Variants in SCAF1 observed in about 807,000 individuals in gnomAD.
SCAF1 encodes the protein SR-related CTD associated factor 1.
A neutral mutation model predicts 91.2 loss-of-function variants in SCAF1; 28 were observed. That is an observed-to-expected ratio of 0.31 (90% CI 0.23 to 0.42). SCAF1 has a LOEUF of 0.42. Ranked by LOEUF, SCAF1 falls within the 10% of genes least tolerant of loss-of-function variation. The probability of loss-of-function intolerance (pLI) is 1.00; values close to 1 mark genes in which losing one functional copy is unlikely to be tolerated. For synonymous variants in SCAF1, 1,036 were observed against 833.7 expected, an observed-to-expected ratio of 1.24 and a Z score of -4.18; for missense variants, 1,893 against 1,872.1, an observed-to-expected ratio of 1.01 and a Z score of -0.21.
At chr19:49,648,959 G>A in intron 6 of SCAF1, among the ~76,000 whole-genome samples, 1 of 139,088 alleles carries the variant, frequency 7.2e-6, no homozygotes. Context: ...AACAGAGTGA[G>A]ACTCCCTCTC....
Position 49,646,294 on chromosome 19 carries a change from C to T in SCAF1, c.261+92C>T, listed in dbSNP as rs1044238575. On this transcript the variant is annotated intron_variant, in intron 4 of 10. Coordinates refer to ENST00000360565, the MANE Select transcript of SCAF1 (RefSeq NM_021228.3). This position sits in a 1 kb window ranked among gnomAD's most constrained non-coding sequence, Gnocchi z 5.6. ...GTCTGGGGGAATGGGGTTTGGGGAC[C>T]TGGACTCCTGGCTCTGCGATGCTGA... 3.6e-6 allele frequency: 4 copies of T among 1,107,834 alleles called. No homozygotes were observed. Among genetic ancestry groups the T allele is most frequent in the Non-Finnish European group, 5.1e-6 (4 of 777,156 alleles). 68.6% of individuals were successfully genotyped at this position (1,107,834 alleles called of 1,614,324 possible).
At position 49,650,942 on chromosome 19, in the gene SCAF1, G is replaced by GCCCCCCC; in HGVS notation, c.557_558insCCCCCCC (p.Ala189ThrfsTer43). 6.3e-7 allele frequency: 1 copy of GCCCCCCC among 1,583,806 alleles called. No homozygotes were observed. Among genetic ancestry groups the GCCCCCCC allele is most frequent in the Non-Finnish European group, 8.6e-7 (1 of 1,161,400 alleles). ...CTTGGGCACGGGAGACGGGGGCCCT[G>GCCCCCCC]CCCCACCCCCTGCCCCCTCCTCTGC... On this transcript the variant is annotated frameshift_variant, in exon 7 of 11. Coordinates refer to ENST00000360565, the MANE Select transcript of SCAF1 (RefSeq NM_021228.3). LOFTEE classifies it high-confidence loss of function.
chr19:49,650,900 T>A lies in SCAF1; in HGVS notation c.511T>A (p.Cys171Ser), dbSNP rs770049391. Residue 171 changes from cysteine to serine, a missense_variant, in exon 7 of 11, where the codon TGT becomes AGT. By Grantham distance (112) the Cys-to-Ser change is moderately radical. Transcript: ENST00000360565. ...SPQSNSSRPT[C>S]ARHLTLGTGD... ...ACAGTCGAACTCCTCTAGGCCCACC[T>A]GTGCCCGTCACCTCACCTTGGGCAC... 4 of 1,610,786 alleles carry A rather than the reference T, an allele frequency of 2.5e-6. No individual in the cohort carries two copies. The highest frequency in any genetic ancestry group is 3.4e-6 in the Non-Finnish European group (4 of 1,178,622).
At position 49,651,935 on chromosome 19, in the gene SCAF1, C is replaced by T; in HGVS notation, c.1546C>T (p.Arg516Cys). ...APAAAAGPPTRKKSRRERKRS... is the reference protein window; with the variant it reads ...APAAAAGPPTCKKSRRERKRS... ...GGCCGCCGCTGCTGGTCCGCCCACG[C>T]GCAAGAAGTCCAGGCGGGAACGCAA... Residue 516 changes from arginine to cysteine, a missense_variant, in exon 7 of 11, where the codon CGC becomes TGC. Physicochemically the swap from Arg to Cys is radical, Grantham distance 180 (BLOSUM62 -3). Around this residue, in one of 5 missense-constraint regions of SCAF1, gnomAD observed 1,436 missense variants for 1,306.8 expected, o/e 1.10. Coordinates refer to ENST00000360565, the MANE Select transcript of SCAF1 (RefSeq NM_021228.3). 1.7e-6 allele frequency: 2 copies of T among 1,185,188 alleles called. No homozygotes were observed. The highest frequency in any genetic ancestry group is 1.1e-6 in the Non-Finnish European group (1 of 949,660). 73.4% of individuals were successfully genotyped at this position (1,185,188 alleles called of 1,614,324 possible).
At position 49,652,378 on chromosome 19, in the gene SCAF1, G is replaced by A. The variant is rs1460412998; in HGVS notation, c.1989G>A (p.Pro663=). The A allele has an allele frequency of 3.2e-6, 5 of 1,546,138 alleles. No individual in the cohort carries two copies. The highest frequency in any genetic ancestry group is 2.0e-5 in the Admixed American group (1 of 50,558). ...KRSGDGSEKA[P]APAPPPSGST... is the part of the protein sequence containing the mutation. ...CTGGGGATGGCAGCGAGAAGGCCCCGGCGCCCGCCCCGCCGCCCTCTGGCT... is the reference window on the plus strand; with the variant it reads ...CTGGGGATGGCAGCGAGAAGGCCCCAGCGCCCGCCCCGCCGCCCTCTGGCT... Residue 663 remains proline (P), a synonymous_variant, in exon 7 of 11, where the codon CCG becomes CCA. Coordinates refer to ENST00000360565, the MANE Select transcript of SCAF1 (RefSeq NM_021228.3).
At position 49,652,196 on chromosome 19, in the gene SCAF1, C is replaced by G. The variant is rs1005911582; in HGVS notation, c.1807C>G (p.Arg603Gly). 1.0e-4 allele frequency: 134 copies of G among 1,289,322 alleles called. No individual in the cohort carries two copies. Among genetic ancestry groups the G allele is most frequent in the Non-Finnish European group, 1.3e-4 (132 of 1,018,954 alleles). The allele number at this position is 1,289,322 out of a possible 1,614,324, so 79.9% of individuals were successfully genotyped here. A position where few individuals can be genotyped will look rare whatever the true frequency, so the allele number is the denominator to read the frequency against. ...RRGGSRRSRS[R>G]EKRRRRRRSA... is the part of the protein sequence containing the mutation. ...CGGGGGCAGCCGCAGGTCGCGGTCC[C>G]GGGAGAAGCGGCGACGGCGGCGGCG... The change falls in exon 7 of 11, where the codon CGG becomes GGG. Residue 603 changes from arginine to glycine, a missense_variant. Physicochemically the swap from Arg to Gly is moderately radical, Grantham distance 125. Transcript: ENST00000360565.
chr19:49,658,462 C>T lies in SCAF1; in HGVS notation c.*63C>T, dbSNP rs1288205020. 4 of 851,730 alleles carry T rather than the reference C, an allele frequency of 4.7e-6. No individual in the cohort carries two copies. Among genetic ancestry groups the T allele is most frequent in the Non-Finnish European group, 7.2e-6 (4 of 554,748 alleles). 52.8% of individuals were successfully genotyped at this position (851,730 alleles called of 1,614,324 possible). A position where few individuals can be genotyped will look rare whatever the true frequency, so the allele number is the denominator to read the frequency against. The stretch of plus-strand genomic sequence containing the variant: ...ACTCTGGACGTATTTATGGCTCCAC[C>T]TCCCCACCTCCCTCCCCCGTCAGTG... On this transcript the variant is annotated 3_prime_UTR_variant, in exon 11 of 11. Coordinates refer to ENST00000360565, the MANE Select transcript of SCAF1 (RefSeq NM_021228.3).
At position 49,650,076 on chromosome 19, in the gene SCAF1, G is replaced by C. The variant is rs145227483; in HGVS notation, c.479-792G>C. 6.6e-4 allele frequency among the ~76,000 whole-genome samples: 100 copies of C among 152,342 alleles called. No individual in the cohort carries two copies. The East Asian group carries it at 0.019, about 28-fold the overall frequency. On this transcript the variant is annotated intron_variant, in intron 6 of 10. Coordinates refer to ENST00000360565, the MANE Select transcript of SCAF1 (RefSeq NM_021228.3). ...CTTAGCACAGTGCAGCGGGCTCTTTGGGGGCGAATGAGGTGACATACGAAG... is the reference window on the plus strand; with the variant it reads ...CTTAGCACAGTGCAGCGGGCTCTTTCGGGGCGAATGAGGTGACATACGAAG...
intron 9 of SCAF1, among the ~76,000 whole-genome samples, chr19:49,655,978 G>A (rs2081136641): frequency 6.6e-6 from 1 of 152,218 alleles, no homozygotes. Context: ...GCCTAGATGT[G>A]TTTTCTTACA....
At position 49,654,816 on chromosome 19, in the gene SCAF1, G is replaced by A. The variant is rs745836881; in HGVS notation, c.3564G>A (p.Thr1188=). ...TPPTPTGLAA[T]SDKREGSSSS... is the part of the protein sequence containing the mutation. ...CCACCCCCACCGGGCTGGCTGCCAC[G>A]TCTGACAAGAGAGAGGGCAGCAGCA... Residue 1188 remains threonine, a synonymous_variant, in exon 9 of 11, where the codon ACG becomes ACA. Transcript: ENST00000360565. 1.1e-5 allele frequency: 17 copies of A among 1,612,346 alleles called. No homozygotes were observed. Among genetic ancestry groups the A allele is most frequent in the Middle Eastern group, 1.6e-4 (1 of 6,074 alleles).
At position 49,653,267 on chromosome 19, in the gene SCAF1, G is replaced by C. The variant is rs774535605; in HGVS notation, c.2878G>C (p.Glu960Gln). ...CCAGGCGGCAGGCACCAAGGGGGCG[G>C]AGGAGACTTCCTGGTCCGGGGAGGA... is the stretch of plus-strand genomic sequence containing the variant. ...CSQAAGTKGA[E>Q]ETSWSGEERA... Residue 960 changes from glutamate (E) to glutamine (Q), a missense_variant, in exon 7 of 11, where the codon GAG becomes CAG. Physicochemically the swap from Glu to Gln is conservative, Grantham distance 29. This residue lies in a region of SCAF1 where 1,436 missense variants were observed against 1,306.8 expected (regional missense o/e 1.10). Coordinates refer to ENST00000360565, the MANE Select transcript of SCAF1 (RefSeq NM_021228.3). The C allele has an allele frequency of 4.0e-6, 6 of 1,481,646 alleles. No homozygotes were observed. The highest frequency in any genetic ancestry group is 4.5e-6 in the Non-Finnish European group (5 of 1,114,524). The allele number at this position is 1,481,646 out of a possible 1,614,324, so 91.8% of individuals were successfully genotyped here.
chr19:49,646,304 G>C lies in SCAF1; in HGVS notation c.261+102G>C. 9.4e-7 allele frequency: 1 copy of C among 1,062,936 alleles called. No homozygotes were observed. The highest frequency in any genetic ancestry group is 1.4e-6 in the Non-Finnish European group (1 of 739,524). The allele number at this position is 1,062,936 out of a possible 1,614,324, so 65.8% of individuals were successfully genotyped here. A position where few individuals can be genotyped will look rare whatever the true frequency, so the allele number is the denominator to read the frequency against. ...ATGGGGTTTGGGGACCTGGACTCCTGGCTCTGCGATGCTGACCAGGGGCAA... is the reference window on the plus strand; with the variant it reads ...ATGGGGTTTGGGGACCTGGACTCCTCGCTCTGCGATGCTGACCAGGGGCAA... On this transcript the variant is annotated intron_variant, in intron 4 of 10. Coordinates refer to ENST00000360565, the MANE Select transcript of SCAF1 (RefSeq NM_021228.3). This position sits in a 1 kb window ranked among gnomAD's most constrained non-coding sequence, Gnocchi z 5.6.
At chr19:49,644,790 C>T (rs2081045042) in intron 1 of SCAF1, 4 of 387,778 alleles carry the variant, frequency 1.0e-5, no homozygotes, top group South Asian at 9.9e-5. Context: ...ATAAGAGGCA[C>T]CTGAGACCCA....
At position 49,652,104 on chromosome 19, in the gene SCAF1, G is replaced by GCTCCCGCTC. The variant is rs2081097748; in HGVS notation, c.1716_1717insTCCCGCTCC (p.Arg572_Arg573insSerArgSer). On this transcript the variant is annotated inframe_insertion, in exon 7 of 11. Transcript: ENST00000360565. ...TCCCACGCCTCGTCGTCCGCCCGCC[G>GCTCCCGCTC]CCGCTCCCGCTCCCGCTCCCGCTCC... 1.8e-6 allele frequency: 2 copies of GCTCCCGCTC among 1,130,532 alleles called. No homozygotes were observed. Among genetic ancestry groups the GCTCCCGCTC allele is most frequent in the Non-Finnish European group, 2.2e-6 (2 of 917,642 alleles). The allele number at this position is 1,130,532 out of a possible 1,614,324, so 70.0% of individuals were successfully genotyped here. A position where few individuals can be genotyped will look rare whatever the true frequency, so the allele number is the denominator to read the frequency against.
intron 7 of SCAF1, 138 bp from the exon 8 acceptor site, chr19:49,654,211 C>T: frequency 1.4e-6 from 1 of 703,216 alleles, no homozygotes; most frequent in Non-Finnish European, 2.4e-6. Flanking sequence ...GCCCCCTTTT[C>T]CCAGTTCTGA....
Position 49,646,263 on chromosome 19 carries a change from G to T in SCAF1, c.261+61G>T. ...GGGTATCAGGGAGGAAGGGATGGGG[G>T]CCTGAGTCTGGGGGAATGGGGTTTG... On this transcript the variant is annotated intron_variant, in intron 4 of 10. Transcript: ENST00000360565. The surrounding 1 kb of genome is among the most constrained non-coding windows in gnomAD (Gnocchi z 5.6). The T allele has an allele frequency of 2.5e-6, 3 of 1,188,870 alleles. No individual in the cohort carries two copies. The highest frequency in any genetic ancestry group is 2.6e-5 in the South Asian group (2 of 78,350). The allele number at this position is 1,188,870 out of a possible 1,614,324, so 73.6% of individuals were successfully genotyped here. A position where few individuals can be genotyped will look rare whatever the true frequency, so the allele number is the denominator to read the frequency against.
intron 9 of SCAF1, among the ~76,000 whole-genome samples, chr19:49,656,779 T>A (rs1217277838): frequency 1.3e-5 from 2 of 152,218 alleles, no homozygotes; most frequent in African/African-American, 4.8e-5. Flanking sequence ...ATTGAGTCTT[T>A]GCTCTGTACC....
At position 49,642,541 on chromosome 19, in the gene SCAF1, C is replaced by G. The variant is rs946276734; in HGVS notation, c.-7+299C>G. ...GCCTGCCCTCCATCACACAGCTGGC[C>G]TGGATCGTGTCTGTAGACACTGTAG... On this transcript the variant is annotated intron_variant, in intron 1 of 10. Coordinates refer to ENST00000360565, the MANE Select transcript of SCAF1 (RefSeq NM_021228.3). The surrounding 1 kb of genome is among the most constrained non-coding windows in gnomAD (Gnocchi z 4.0). The G allele has an allele frequency of 2.6e-5, 4 of 152,286 alleles. No homozygotes were observed. Among genetic ancestry groups the G allele is most frequent in the African/African-American group, 9.7e-5 (4 of 41,444 alleles). The allele number at this position is 152,286 out of a possible 1,614,324, so 9.4% of individuals were successfully genotyped here.
In SCAF1 at chr19:49,646,086, C is replaced by G. The variant is rs1373052593; in HGVS notation, c.167-22C>G. On this transcript the variant is annotated intron_variant, in intron 3 of 10. Transcript: ENST00000360565. This position sits in a 1 kb window ranked among gnomAD's most constrained non-coding sequence, Gnocchi z 5.6. ...TGCAGCAAGTCCCCTGTGTCCAATC[C>G]CCCATGCAAATCTCTCACCAGATGG... 1 of 1,605,370 alleles carries G rather than the reference C, an allele frequency of 6.2e-7. No homozygotes were observed. The highest frequency in any genetic ancestry group is 8.5e-7 in the Non-Finnish European group (1 of 1,174,226).
Sources: gnomAD v4.1 joint callset for allele counts (sites outside exome capture counted in the v4.1 genomes callset) on GRCh38, gnomAD v4.1.1 for gene constraint, gnomAD v4.1.1 regional missense constraint, Gnocchi (gnomAD v3.1) non-coding constraint, MANE v1.5 for transcripts, NCBI Gene and HGNC (gene_info 2026-07-23, HGNC 2026-07-21) for gene names.